Variants in CCDC171 observed in about 807,000 individuals in gnomAD.
The protein encoded by CCDC171 is coiled-coil domain-containing protein 171.
CCDC171 carries 177 observed loss-of-function variants against 168.2 expected under a neutral mutation model. The observed-to-expected ratio is 1.05, with a 90% confidence interval of 0.93 to 1.19. The LOEUF is 1.19. Ranked by LOEUF, CCDC171 falls within the 50% of genes most tolerant of loss-of-function variation. The pLI is 0.00. For missense variants in CCDC171, 1,991 were observed against 1,539.0 expected, an observed-to-expected ratio of 1.29 and a Z score of -4.91; for synonymous variants, 687 against 540.8, an observed-to-expected ratio of 1.27 and a Z score of -3.75.
chr9:16,074,461 G>A, the CCDC171 span, among the ~76,000 whole-genome samples: 12 of 152,110 alleles, frequency 7.9e-5, no homozygotes, highest in African/African-American at 2.9e-4. Context: ...TTTGGATTCA[G>A]TTAGTATACT....
chr9:16,029,432 G>C (rs960039250), intron 6 of CCDC171, among the ~76,000 whole-genome samples: 1 of 152,188 alleles, frequency 6.6e-6, no homozygotes, highest in African/African-American at 2.4e-5. Flanking sequence ...TGATAAATTG[G>C]TGATGCTTGG....
intron 6 of CCDC171, among the ~76,000 whole-genome samples, chr9:16,035,099 A>T (rs1169527977): frequency 6.6e-6 from 1 of 152,216 alleles, no homozygotes; most frequent in Non-Finnish European, 1.5e-5. Flanking sequence ...TAGGTAAAGC[A>T]GCATTTTGTA....
At chr9:15,850,208 C>T (rs2061068632) in intron 23 of CCDC171, 1 of 151,606 alleles carries the variant, frequency 6.6e-6, no homozygotes. Flanking sequence ...CTTTGAAATC[C>T]AGTTGGTTTT....
intron 6 of CCDC171, among the ~76,000 whole-genome samples, chr9:15,605,360 T>C (rs1380632152): frequency 6.6e-6 from 1 of 151,922 alleles, no homozygotes; most frequent in Non-Finnish European, 1.5e-5. Context: ...AAAAGGACTC[T>C]GACACTGATA....
At chr9:15,974,523 C>A (rs1030883322), downstream of CCDC171, among the ~76,000 whole-genome samples, 3 of 152,190 alleles carry the variant, frequency 2.0e-5, no homozygotes, top group Non-Finnish European at 2.9e-5. Context: ...TGCTAACTTT[C>A]TGTGATCTAG....
At chr9:15,999,060 T>A (rs1832455154) in intron 3 of CCDC171, among the ~76,000 whole-genome samples, 1 of 151,888 alleles carries the variant, frequency 6.6e-6, no homozygotes, top group Non-Finnish European at 1.5e-5. Context: ...TACATTTTTT[T>A]TTAACAAGGG....
At chr9:16,083,715 T>C in the CCDC171 span, among the ~76,000 whole-genome samples, 16 of 152,160 alleles carry the variant, frequency 1.1e-4, no homozygotes, top group African/African-American at 3.9e-4. Context: ...TAGGTTCAGG[T>C]GTTGAAAGGC....
intron 3 of CCDC171, among the ~76,000 whole-genome samples, chr9:16,013,492 C>A (rs547220081): frequency 2.6e-5 from 4 of 152,346 alleles, no homozygotes; most frequent in East Asian, 3.9e-4. Flanking sequence ...TCTCTTCCCA[C>A]CTTCCTATGG....
At chr9:16,045,362 C>G (rs1833644789) in intron 1 of CCDC171, among the ~76,000 whole-genome samples, 1 of 152,214 alleles carries the variant, frequency 6.6e-6, no homozygotes, top group South Asian at 2.1e-4. Flanking sequence ...AACCTCAGCA[C>G]TGTTGACATT....
intron 10 of CCDC171, among the ~76,000 whole-genome samples, chr9:15,689,296 G>C (rs1201427725): frequency 1.3e-5 from 2 of 152,176 alleles, no homozygotes; most frequent in Admixed American, 1.3e-4. Context: ...ATGGTTTAAT[G>C]CAATCTCCAT....
At chr9:15,833,106 G>A (rs2060302804) in intron 21 of CCDC171, among the ~76,000 whole-genome samples, 1 of 149,532 alleles carries the variant, frequency 6.7e-6, no homozygotes, top group Admixed American at 6.8e-5. Flanking sequence ...TCCTGCCTCA[G>A]CCTCCTGAGT....
At chr9:16,058,562 A>C (rs1833880384) in intron 1 of CCDC171, among the ~76,000 whole-genome samples, 1 of 152,246 alleles carries the variant, frequency 6.6e-6, no homozygotes, top group Non-Finnish European at 1.5e-5. Flanking sequence ...TTCTGCATAA[A>C]GAGGGACTTT....
rs2040234541 is a variant in CCDC171, at chr9:15,571,697, AG to A, written c.117del (p.Lys40ArgfsTer11). The part of the protein sequence containing the change: ...ETELDITDNL[R>X]KKLHWAKKEK... ...AGAGTTGGATATTACTGATAATCTC[AG>A]GAAGAAACTCCATTGGGCTAAAAAA... On this transcript the variant is annotated frameshift_variant, in exon 3 of 26. Transcript: ENST00000380701. LOFTEE classifies it high-confidence loss of function. The A allele has an allele frequency of 6.3e-7, 1 of 1,586,654 alleles. No homozygotes were observed. Among genetic ancestry groups the A allele is most frequent in the Non-Finnish European group, 8.5e-7 (1 of 1,171,256 alleles).
At chr9:15,597,716 A>G (rs1182005667) in intron 6 of CCDC171, among the ~76,000 whole-genome samples, 1 of 152,158 alleles carries the variant, frequency 6.6e-6, no homozygotes, top group Non-Finnish European at 1.5e-5. Context: ...TTTCAGAAGG[A>G]ATGGTACCAG....
At chr9:15,645,851 A>C (rs972010293) in intron 7 of CCDC171, among the ~76,000 whole-genome samples, 3 of 152,248 alleles carry the variant, frequency 2.0e-5, no homozygotes, top group Non-Finnish European at 4.4e-5. Flanking sequence ...GAATTTCCCC[A>C]ACCTAGTGAG....
intron 24 of CCDC171, among the ~76,000 whole-genome samples, chr9:15,879,341 A>T (rs142630724): frequency 9.9e-5 from 15 of 152,100 alleles, no homozygotes; most frequent in African/African-American, 3.4e-4. Context: ...CATGTTTTGG[A>T]GGCACATGTG....
intron 6 of CCDC171, among the ~76,000 whole-genome samples, chr9:16,032,880 A>C (rs1833388589): frequency 6.6e-6 from 1 of 152,208 alleles, no homozygotes; most frequent in Admixed American, 6.5e-5. Flanking sequence ...ACAGGGACAA[A>C]TGCACAGGCT....
At chr9:15,560,800 G>T (rs1407533203) in intron 1 of CCDC171, among the ~76,000 whole-genome samples, 1 of 151,966 alleles carries the variant, frequency 6.6e-6, no homozygotes, top group African/African-American at 2.4e-5. Flanking sequence ...CTTTTGGAGG[G>T]GGAGAGGCGC....
At chr9:15,998,519 A>C (rs1437372522) in intron 3 of CCDC171, among the ~76,000 whole-genome samples, 1 of 152,200 alleles carries the variant, frequency 6.6e-6, no homozygotes, top group South Asian at 2.1e-4. Context: ...CAGATTGTCT[A>C]TTCCTTTGAG....
Sources: allele counts gnomAD v4.1 joint callset (sites outside exome capture counted in the v4.1 genomes callset), GRCh38; gene constraint gnomAD v4.1.1; transcripts MANE v1.5; gene names NCBI Gene and HGNC (gene_info 2026-07-23, HGNC 2026-07-21).